Variants in FRRS1L observed in about 807,000 individuals in gnomAD.
FRRS1L encodes the protein DOMON domain-containing protein FRRS1L.
Under a neutral mutation model 28.6 loss-of-function variants are expected in FRRS1L, and 22 were observed. That is an observed-to-expected ratio of 0.77 (90% CI 0.55 to 1.10). The LOEUF (loss-of-function observed/expected upper bound fraction) is 1.10, where lower values mean the gene tolerates loss of function less well. Ranked by LOEUF, FRRS1L falls within the 50% of genes least tolerant of loss-of-function variation. FRRS1L has a pLI of 0.00. For missense variants in FRRS1L, 380 were observed against 386.9 expected (o/e 0.98, Z 0.15); for synonymous variants, 158 against 151.4 (o/e 1.04, Z -0.32).
chr9:109,143,152 T>A (rs1394967515), intron 3 of FRRS1L, among the ~76,000 whole-genome samples: 4 of 151,852 alleles, frequency 2.6e-5, no homozygotes, highest in African/African-American at 9.7e-5. Flanking sequence ...TCGTCTCTAC[T>A]TAAAATACAA....
chr9:109,157,890 T>TAC (rs1831431463), intron 1 of FRRS1L, among the ~76,000 whole-genome samples: 1 of 152,236 alleles, frequency 6.6e-6, no homozygotes. Context: ...TGGTTCATCT[T>TAC]TGCCTAAAAT....
chr9:109,150,323 C>G (rs1435460706), intron 1 of FRRS1L: 1 of 152,186 alleles, frequency 6.6e-6, no homozygotes, highest in Non-Finnish European at 1.5e-5. Flanking sequence ...TCAAGGGATT[C>G]TCTTGTCTCA....
intron 3 of FRRS1L, among the ~76,000 whole-genome samples, chr9:109,142,854 G>A (rs1377101953): frequency 6.6e-6 from 1 of 151,692 alleles, no homozygotes; most frequent in East Asian, 1.9e-4. Flanking sequence ...AAAATAAAAT[G>A]GTTAATTTTG....
chr9:109,141,633 T>C, intron 3 of FRRS1L, 44 bp from the exon 4 acceptor site: 1 of 1,583,686 alleles, frequency 6.3e-7, no homozygotes, highest in Non-Finnish European at 8.6e-7. Flanking sequence ...CAAAGGTTCA[T>C]CTTTTGCACA....
chr9:109,156,505 C>T (rs540129253), intron 1 of FRRS1L, among the ~76,000 whole-genome samples: 2 of 152,064 alleles, frequency 1.3e-5, no homozygotes, highest in Non-Finnish European at 2.9e-5. Context: ...TCTCCTGCCT[C>T]AGCCTCCCGA....
At chr9:109,161,213 T>A (rs547329200) in intron 1 of FRRS1L, among the ~76,000 whole-genome samples, 2 of 152,296 alleles carry the variant, frequency 1.3e-5, no homozygotes, top group South Asian at 4.1e-4. Context: ...ACAACCAGCT[T>A]TTCCCTCTTC....
Position 109,137,148 on chromosome 9 carries a change from A to G in FRRS1L, c.*307T>C, listed in dbSNP as rs1831122609. ...AAAAGGCAGTCTTTTTGGGTCTCAA[A>G]TCCCATTCAGGAAGATGGCAATCAC... On this transcript the variant is annotated 3_prime_UTR_variant, in exon 5 of 5. Coordinates refer to ENST00000561981, the MANE Select transcript of FRRS1L (RefSeq NM_014334.4). 5.7e-6 allele frequency: 1 copy of G among 176,818 alleles called. No homozygotes were observed. Among genetic ancestry groups the G allele is most frequent in the Non-Finnish European group, 1.2e-5 (1 of 84,202 alleles). 11.0% of individuals were successfully genotyped at this position (176,818 alleles called of 1,614,324 possible).
intron 3 of FRRS1L, 89 bp from the exon 4 acceptor site, chr9:109,141,678 C>T (rs1831189102): frequency 8.6e-6 from 12 of 1,395,012 alleles, no homozygotes; most frequent in African/African-American, 2.9e-5. Flanking sequence ...ATCATCTCTG[C>T]AATTTGAAAT....
intron 3 of FRRS1L, among the ~76,000 whole-genome samples, chr9:109,142,028 T>C (rs1157091928): frequency 2.0e-5 from 3 of 150,792 alleles, no homozygotes; most frequent in Non-Finnish European, 4.4e-5. Context: ...TAGGTGTTCC[T>C]ACATAGAAAT....
intron 1 of FRRS1L, among the ~76,000 whole-genome samples, chr9:109,152,531 A>G (rs1259981421): frequency 2.0e-5 from 3 of 150,282 alleles, no homozygotes; most frequent in East Asian, 2.1e-4. Context: ...TCAGCTGGGC[A>G]TGGTGGCTCA....
At chr9:109,147,261 T>C (rs1223170822) in intron 2 of FRRS1L, 72 bp from the exon 3 acceptor site, 4 of 1,244,438 alleles carry the variant, frequency 3.2e-6, no homozygotes, top group Non-Finnish European at 4.7e-6. Flanking sequence ...ATCTACCATG[T>C]ATCATGTGGG....
At chr9:109,160,170 T>A (rs1315817227) in intron 1 of FRRS1L, among the ~76,000 whole-genome samples, 1 of 152,198 alleles carries the variant, frequency 6.6e-6, no homozygotes, top group Non-Finnish European at 1.5e-5. Flanking sequence ...GCCTTTCTTC[T>A]TTTCTTCTAT....
At position 109,167,060 on chromosome 9, in the gene FRRS1L, C is replaced by T; in HGVS notation, c.79G>A (p.Ala27Thr). 8.5e-7 allele frequency: 1 copy of T among 1,181,002 alleles called. No individual in the cohort carries two copies. Among genetic ancestry groups the T allele is most frequent in the Non-Finnish European group, 1.0e-6 (1 of 959,140 alleles). 73.2% of individuals were successfully genotyped at this position (1,181,002 alleles called of 1,614,324 possible). ...LLLLTGPAAC[A>T]ASPADDGAGP... is the part of the protein sequence containing the mutation. ...GCACCGTCGTCCGCGGGGCTGGCTG[C>T]GCAGGCGGCGGGCCCCGTCAGTAGC... is the stretch of plus-strand genomic sequence containing the variant. The change falls in exon 1 of 5, where the codon GCA (alanine) becomes ACA (threonine). Residue 27 changes from alanine (A) to threonine (T), a missense_variant. Physicochemically the swap from Ala to Thr is moderately conservative, Grantham distance 58. Transcript: ENST00000561981.
chr9:109,146,478 T>C (rs1831263730), intron 3 of FRRS1L, among the ~76,000 whole-genome samples: 1 of 152,198 alleles, frequency 6.6e-6, no homozygotes, highest in African/African-American at 2.4e-5. Context: ...AGAGGACACC[T>C]AGCTGTCCAC....
At chr9:109,141,311 C>T (rs748979591) in intron 4 of FRRS1L, 32 bp downstream of exon 4, 12 of 1,610,584 alleles carry the variant, frequency 7.5e-6, no homozygotes, top group East Asian at 6.7e-5. Context: ...TGGTGTCTGG[C>T]GTTTAATCCA....
rs1371852580 is a variant in FRRS1L, at chr9:109,159,758, C to G, written c.238+7143G>C. ...TGGCCTCATCCAATCAGTCAAAGGC[C>G]TGAAGAGAACAAAAAGAGTGACCTC... On this transcript the variant is annotated intron_variant, in intron 1 of 4. Coordinates refer to ENST00000561981, the MANE Select transcript of FRRS1L (RefSeq NM_014334.4). Among the ~76,000 whole-genome samples the G allele has an allele frequency of 5.3e-5, 8 of 152,172 alleles. 1 individual carries two copies.
chr9:109,149,456 A>G (rs1394149852), intron 2 of FRRS1L, among the ~76,000 whole-genome samples, 180 bp downstream of exon 2: 4 of 152,196 alleles, frequency 2.6e-5, no homozygotes, highest in East Asian at 1.9e-4. Flanking sequence ...AGGACATACT[A>G]AAGTTAAAAG....
intron 1 of FRRS1L, chr9:109,151,503 C>T (rs549482280): frequency 3.6e-5 from 7 of 193,258 alleles, no homozygotes; most frequent in African/African-American, 1.2e-4. Flanking sequence ...TTGTACGCTC[C>T]TTATGAGAAT....
chr9:109,154,396 C>A (rs1168006715), intron 1 of FRRS1L, among the ~76,000 whole-genome samples: 1 of 152,196 alleles, frequency 6.6e-6, no homozygotes, highest in African/African-American at 2.4e-5. Context: ...ATCTTTCTTA[C>A]TGGAACTTGA....
Sources: gnomAD v4.1 joint callset for allele counts (sites outside exome capture counted in the v4.1 genomes callset) on GRCh38, gnomAD v4.1.1 for gene constraint, MANE v1.5 for transcripts, NCBI Gene and HGNC (gene_info 2026-07-23, HGNC 2026-07-21) for gene names.